The following TRRAP variants were observed in gnomAD, a reference collection of about 807,000 sequenced individuals.
TRRAP encodes transformation/transcription domain-associated protein.
In TRRAP, 41 loss-of-function variants were observed where a neutral mutation model predicts 438.8. The ratio of observed to expected loss-of-function variants is 0.09; its 90% CI spans 0.07 to 0.12. TRRAP has a LOEUF of 0.12. Among genes scored for constraint, TRRAP ranks in the 10% least tolerant of loss-of-function variants. TRRAP has a pLI of 1.00. For synonymous variants in TRRAP, 1,994 were observed against 1,962.9 expected (o/e 1.02, Z -0.42); for missense variants, 3,122 against 5,055.1 (o/e 0.62, Z 11.60).
chr7:98,973,728 C>T (rs1478175478), intron 53 of TRRAP, among the ~76,000 whole-genome samples: 2 of 152,204 alleles, frequency 1.3e-5, no homozygotes, highest in East Asian at 3.9e-4. Flanking sequence ...GCCGGAGCTG[C>T]AGACGTCAGC....
intron 26 of TRRAP, among the ~76,000 whole-genome samples, chr7:98,932,958 A>G (rs1554413275): frequency 6.6e-6 from 1 of 151,426 alleles, no homozygotes; most frequent in Non-Finnish European, 1.5e-5. Flanking sequence ...GCTATAGCAC[A>G]GTCTGGTAGT....
At position 98,967,080 on chromosome 7, in the gene TRRAP, A is replaced by G. The variant is rs752698009; in HGVS notation, c.7216A>G (p.Met2406Val). 3.0e-5 allele frequency: 49 copies of G among 1,613,934 alleles called. No individual in the cohort carries two copies. The South Asian group carries it at 4.4e-4, about 14-fold the overall frequency. Residue 2406 changes from methionine (M) to valine (V), a missense_variant, in exon 50 of 73, where the codon ATG (methionine) becomes GTG (valine). Met to Val is a conservative substitution (Grantham distance 21). Transcript: ENST00000456197. ...GGAGAAGTCCATTTTGCTTGTGAAG[A>G]TGATGACTTACATAGAAAAACGCTT... Reference protein sequence around the residue: ...LREKSILLVKMMTYIEKRFPE... With the variant: ...LREKSILLVKVMTYIEKRFPE...
At chr7:98,890,228 T>C in intron 3 of TRRAP, 107 bp from the exon 4 acceptor site, 1 of 625,604 alleles carries the variant, frequency 1.6e-6, no homozygotes, top group Non-Finnish European at 2.4e-6. Flanking sequence ...ACAAATTTGC[T>C]TTTGGCTAAA....
Position 98,937,289 on chromosome 7 carries a change from T to TGCGTGCGTGTATGCGCAC in TRRAP, c.4233+18_4233+35dup. ...CCTGTATGAGAAAGGTGAGTGTGTG[T>TGCGTGCGTGTATGCGCAC]GCGTGCGTGTATGCGCACGCGTGTG... On this transcript the variant is annotated intron_variant, in intron 29 of 72. Coordinates refer to ENST00000456197, the MANE Select transcript of TRRAP (RefSeq NM_001375524.1). 1 of 1,607,944 alleles carries TGCGTGCGTGTATGCGCAC rather than the reference T, an allele frequency of 6.2e-7. No homozygotes were observed. Among genetic ancestry groups the TGCGTGCGTGTATGCGCAC allele is most frequent in the Non-Finnish European group, 8.5e-7 (1 of 1,177,820 alleles).
intron 67 of TRRAP, among the ~76,000 whole-genome samples, chr7:99,000,820 G>A (rs11761028): frequency 2.0e-5 from 3 of 152,218 alleles, no homozygotes; most frequent in East Asian, 1.9e-4. Flanking sequence ...ACCCTGTCTC[G>A]AGTTTGGGGG....
At chr7:98,985,133 C>T (rs1793095734) in intron 62 of TRRAP, 89 bp downstream of exon 62, 1 of 950,456 alleles carries the variant, frequency 1.1e-6, no homozygotes, top group Non-Finnish European at 1.6e-6. Flanking sequence ...GAAGCTCAAG[C>T]TAGAAATGGG....
intron 33 of TRRAP, among the ~76,000 whole-genome samples, chr7:98,946,659 C>T (rs539519024): frequency 5.9e-5 from 9 of 152,190 alleles, no homozygotes; most frequent in Admixed American, 3.9e-4. Flanking sequence ...CACACATGCA[C>T]ACACAACACA....
intron 70 of TRRAP, 151 bp downstream of exon 70, chr7:99,008,712 G>A (rs1794305212): frequency 1.1e-6 from 1 of 875,260 alleles, no homozygotes; most frequent in Non-Finnish European, 1.7e-6. Flanking sequence ...CTCATGAGAT[G>A]GTGGAAATGA....
chr7:98,983,437 G>A lies in TRRAP; in HGVS notation c.9000G>A (p.Met3000Ile). The A allele has an allele frequency of 6.2e-7, 1 of 1,614,206 alleles. No individual in the cohort carries two copies. The highest frequency in any genetic ancestry group is 2.2e-5 in the East Asian group (1 of 44,882). ...TGTCCCACTGGAGCAGCATCTTCAT[G>A]TGGAGGCAGCATCATTACCAGGGTA... ...DDLSHWSSIFMWRQHHYQAIV... is the reference protein window; with the variant it reads ...DDLSHWSSIFIWRQHHYQAIV... Residue 3000 changes from methionine (M) to isoleucine (I), a missense_variant, in exon 60 of 73, where the codon ATG becomes ATA. Met to Ile is a conservative substitution (Grantham distance 10, BLOSUM62 1). Transcript: ENST00000456197.
chr7:98,968,164 C>A (rs1306803352), intron 51 of TRRAP, among the ~76,000 whole-genome samples: 1 of 151,970 alleles, frequency 6.6e-6, no homozygotes, highest in East Asian at 1.9e-4. Flanking sequence ...GATTATAGGC[C>A]CATGTAACCA....
chr7:98,885,667 A>T (rs958453430), intron 3 of TRRAP, among the ~76,000 whole-genome samples: 2 of 148,990 alleles, frequency 1.3e-5, no homozygotes, highest in East Asian at 2.0e-4. Flanking sequence ...AGCTGTTTAA[A>T]ATATATATAT....
chr7:98,985,942 CTCCTT>C (rs1793131811), intron 62 of TRRAP, among the ~76,000 whole-genome samples: 1 of 152,170 alleles, frequency 6.6e-6, no homozygotes, highest in Non-Finnish European at 1.5e-5. Flanking sequence ...AGTAGTCACT[CTCCTT>C]TCTCCCCTCC....
intron 44 of TRRAP, 66 bp downstream of exon 44, chr7:98,958,157 G>T: frequency 7.3e-7 from 1 of 1,372,648 alleles, no homozygotes; most frequent in Non-Finnish European, 1.0e-6. Context: ...AACACCCCAG[G>T]AGGTTATCTG....
intron 31 of TRRAP, among the ~76,000 whole-genome samples, chr7:98,944,282 A>T (rs868968762): frequency 3.6e-5 from 5 of 139,684 alleles, no homozygotes; most frequent in East Asian, 3.9e-4. Context: ...ATAAACATTT[A>T]AAAAAAAACC....
chr7:98,892,394 T>C (rs1428483778), intron 4 of TRRAP, 30 bp from the exon 5 acceptor site: 11 of 1,553,040 alleles, frequency 7.1e-6, no homozygotes, highest in Non-Finnish European at 9.8e-6. Flanking sequence ...AGTATTTTTA[T>C]CCTTACATTT....
At position 98,912,019 on chromosome 7, in the gene TRRAP, C is replaced by CA; in HGVS notation, c.2008-2dup. Reference sequence around the variant, plus strand: ...TTTTCACATGTGTTTCTTGTATTGACAGATTGTTGCCAATTCCTTCTTGGC... The same window carrying CA: ...TTTTCACATGTGTTTCTTGTATTGACAAGATTGTTGCCAATTCCTTCTTGGC... On this transcript the variant is annotated splice_polypyrimidine_tract_variant and splice_region_variant and intron_variant, in intron 17 of 72. Transcript: ENST00000456197. 1 of 1,610,506 alleles carries CA rather than the reference C, an allele frequency of 6.2e-7. No individual in the cohort carries two copies. The highest frequency in any genetic ancestry group is 8.5e-7 in the Non-Finnish European group (1 of 1,177,834).
chr7:98,952,799 G>A (rs868918472), intron 39 of TRRAP, among the ~76,000 whole-genome samples: 4 of 152,122 alleles, frequency 2.6e-5, no homozygotes, highest in African/African-American at 2.4e-5. Flanking sequence ...AGCACTTTAC[G>A]TAAGATAAGG....
At chr7:98,900,756 A>C (rs782679469) in intron 11 of TRRAP, 36 bp downstream of exon 11, 21 of 1,547,604 alleles carry the variant, frequency 1.4e-5, no homozygotes, top group Non-Finnish European at 1.8e-5. Context: ...GTTTATTGAG[A>C]TAGTTTACAT....
At chr7:98,964,335 G>C (rs1162925940) in intron 47 of TRRAP, among the ~76,000 whole-genome samples, 2 of 151,902 alleles carry the variant, frequency 1.3e-5, no homozygotes, top group Non-Finnish European at 2.9e-5. Context: ...AAAAACTTAG[G>C]GTAATTTGCC....
Sources: gnomAD v4.1 joint callset for allele counts (sites outside exome capture counted in the v4.1 genomes callset) on GRCh38, gnomAD v4.1.1 for gene constraint, MANE v1.5 for transcripts, NCBI Gene and HGNC (gene_info 2026-07-23, HGNC 2026-07-21) for gene names.